Variants in MACROD2 observed in about 807,000 individuals in gnomAD.
MACROD2 encodes mono-ADP ribosylhydrolase 2, also known as ADP-ribose glycohydrolase MACROD2.
A neutral mutation model predicts 70.4 loss-of-function variants in MACROD2; 36 were observed. The ratio of observed to expected loss-of-function variants is 0.51; its 90% CI spans 0.39 to 0.68. The LOEUF (loss-of-function observed/expected upper bound fraction) is 0.68, where lower values mean the gene tolerates loss of function less well. Ranked by LOEUF, MACROD2 falls within the 30% of genes least tolerant of loss-of-function variation. MACROD2 has a pLI of 0.00. For synonymous variants in MACROD2, 172 were observed against 178.8 expected (o/e 0.96, Z 0.30); for missense variants, 496 against 538.4 (o/e 0.92, Z 0.78).
At chr20:15,653,175 C>T (rs963604317) in intron 8 of MACROD2, among the ~76,000 whole-genome samples, 3 of 152,176 alleles carry the variant, frequency 2.0e-5, no homozygotes, top group African/African-American at 7.2e-5. Context: ...GAGGTAATTG[C>T]CATCTGCATA....
rs189607532 is a variant in MACROD2 at position 15,182,354 on chromosome 20, T to C, written c.419-47586T>C. On this transcript the variant is annotated intron_variant, in intron 5 of 17. Coordinates refer to ENST00000684519, the MANE Select transcript of MACROD2 (RefSeq NM_001351661.2). ...ATCTCCAGGGTAAATGATTGTGCAATTGTGTCTTACATTTACAATCTAGTG... is the reference window on the plus strand; with the variant it reads ...ATCTCCAGGGTAAATGATTGTGCAACTGTGTCTTACATTTACAATCTAGTG... Among the ~76,000 whole-genome samples the C allele has an allele frequency of 4.6e-5, 7 of 152,260 alleles. No homozygotes were observed. In the East Asian group the frequency reaches 1.4e-3, roughly 29 times the overall value.
At chr20:16,025,616 G>A (rs2067067763) in intron 15 of MACROD2, among the ~76,000 whole-genome samples, 1 of 141,936 alleles carries the variant, frequency 7.0e-6, no homozygotes, top group Non-Finnish European at 1.5e-5. Flanking sequence ...GCCTGGGGAT[G>A]GCGGGTTGGG....
chr20:14,903,571 T>G (rs1600797620), intron 5 of MACROD2, among the ~76,000 whole-genome samples: 1 of 56,182 alleles, frequency 1.8e-5, no homozygotes, highest in East Asian at 9.3e-4. Flanking sequence ...AAATTTTTAT[T>G]TAAAAATTAT....
intron 6 of MACROD2, among the ~76,000 whole-genome samples, chr20:15,410,420 T>C (rs1171101563): frequency 6.6e-6 from 1 of 152,214 alleles, no homozygotes; most frequent in Non-Finnish European, 1.5e-5. Flanking sequence ...ATTTGATGAA[T>C]ATCATCTCTC....
chr20:15,919,260 C>T (rs955829854), intron 10 of MACROD2, among the ~76,000 whole-genome samples: 1 of 152,180 alleles, frequency 6.6e-6, no homozygotes, highest in African/African-American at 2.4e-5. Flanking sequence ...TACCATTGTA[C>T]ATACTGGCAA....
chr20:14,090,221 T>C (rs951563739), intron 3 of MACROD2, among the ~76,000 whole-genome samples: 5 of 152,194 alleles, frequency 3.3e-5, no homozygotes, highest in African/African-American at 1.2e-4. Flanking sequence ...ATTTAATGAA[T>C]AGATTCATGT....
chr20:15,032,030 G>A (rs1160793125), intron 5 of MACROD2, among the ~76,000 whole-genome samples: 1 of 152,222 alleles, frequency 6.6e-6, no homozygotes, highest in Non-Finnish European at 1.5e-5. Context: ...TGAGGCGTCA[G>A]GGGGCTGTCA....
At chr20:14,996,478 T>C (rs1421436554) in intron 5 of MACROD2, among the ~76,000 whole-genome samples, 1 of 152,160 alleles carries the variant, frequency 6.6e-6, no homozygotes, top group Non-Finnish European at 1.5e-5. Context: ...CTTCCTCCTC[T>C]ACCCTTGCAG....
At chr20:16,045,207 G>T (rs2067363403) in intron 17 of MACROD2, among the ~76,000 whole-genome samples, 1 of 152,066 alleles carries the variant, frequency 6.6e-6, no homozygotes, top group Non-Finnish European at 1.5e-5. Flanking sequence ...AAAAGCCTGG[G>T]TTTGTTACGT....
chr20:15,658,784 AC>A lies in MACROD2; in HGVS notation c.645+158938del, dbSNP rs574295416. On this transcript the variant is annotated intron_variant, in intron 8 of 17. Coordinates refer to ENST00000684519, the MANE Select transcript of MACROD2 (RefSeq NM_001351661.2). ...TGCTTGACAAACTCTAATATAGTCT[AC>A]ATGCTCACAAGGATGGTTTTTGCTA... 2.6e-4 allele frequency among the ~76,000 whole-genome samples: 39 copies of A among 152,264 alleles called. 1 individual carries two copies. In the South Asian group the frequency reaches 5.0e-3, roughly 19 times the overall value.
At chr20:14,955,232 A>T (rs1055573994) in intron 5 of MACROD2, among the ~76,000 whole-genome samples, 1 of 137,352 alleles carries the variant, frequency 7.3e-6, no homozygotes, top group Non-Finnish European at 1.5e-5. Flanking sequence ...ATAATATATA[A>T]TTTTTATTAT....
At chr20:14,913,149 A>G (rs991388284) in intron 5 of MACROD2, among the ~76,000 whole-genome samples, 1 of 152,132 alleles carries the variant, frequency 6.6e-6, no homozygotes, top group Non-Finnish European at 1.5e-5. Flanking sequence ...AAATATACTT[A>G]TATGTACATG....
At chr20:14,090,434 A>T (rs1190708650) in intron 3 of MACROD2, among the ~76,000 whole-genome samples, 1 of 152,040 alleles carries the variant, frequency 6.6e-6, no homozygotes, top group Non-Finnish European at 1.5e-5. Flanking sequence ...TTAGCTGGGC[A>T]CGGTGGCAGG....
chr20:15,059,031 C>T (rs2075510313), intron 5 of MACROD2, among the ~76,000 whole-genome samples: 1 of 152,010 alleles, frequency 6.6e-6, no homozygotes, highest in South Asian at 2.1e-4. Flanking sequence ...CAAGAATTTC[C>T]CCAAATTTAA....
intron 8 of MACROD2, among the ~76,000 whole-genome samples, chr20:15,524,869 A>G (rs775256814): frequency 2.0e-5 from 3 of 152,236 alleles, no homozygotes; most frequent in Admixed American, 6.5e-5. Flanking sequence ...GCTGGTGGCT[A>G]CCATATTGGA....
chr20:15,488,969 T>C (rs1444234467), intron 7 of MACROD2, among the ~76,000 whole-genome samples: 2 of 152,180 alleles, frequency 1.3e-5, no homozygotes, highest in African/African-American at 4.8e-5. Context: ...ATTTCAAAAA[T>C]ACCCTCCGAA....
At chr20:14,305,429 AAC>A (rs1188975305) in intron 3 of MACROD2, among the ~76,000 whole-genome samples, 1 of 152,160 alleles carries the variant, frequency 6.6e-6, no homozygotes, top group African/African-American at 2.4e-5. Flanking sequence ...TAGAACCAAA[AAC>A]ACAAAAGAGT....
At chr20:14,055,681 A>G (rs887550060) in intron 2 of MACROD2, among the ~76,000 whole-genome samples, 14 of 152,072 alleles carry the variant, frequency 9.2e-5, no homozygotes, top group Non-Finnish European at 1.8e-4. Context: ...GGCATTCAAC[A>G]TATACCAGCT....
intron 4 of MACROD2, among the ~76,000 whole-genome samples, chr20:14,536,324 G>T (rs909405492): frequency 2.0e-5 from 3 of 152,162 alleles, no homozygotes; most frequent in Non-Finnish European, 2.9e-5. Context: ...AAGTGGAGGA[G>T]TTTACTGGGT....
Sources: allele counts gnomAD v4.1 joint callset (sites outside exome capture counted in the v4.1 genomes callset), GRCh38; gene constraint gnomAD v4.1.1; transcripts MANE v1.5; gene names NCBI Gene and HGNC (gene_info 2026-07-23, HGNC 2026-07-21).